The following SFMBT2 variants were observed in gnomAD, a reference collection of about 807,000 sequenced individuals.
SFMBT2 encodes scm-like with four MBT domains protein 2.
SFMBT2 carries 38 observed loss-of-function variants against 110.1 expected under a neutral mutation model. That is an observed-to-expected ratio of 0.35 (90% confidence interval 0.27 to 0.45). The LOEUF (loss-of-function observed/expected upper bound fraction) is 0.45. Ranked by LOEUF, SFMBT2 falls within the 20% of genes least tolerant of loss-of-function variation. SFMBT2 has a pLI of 1.00. For missense variants in SFMBT2, 1,011 were observed against 1,094.9 expected, an observed-to-expected ratio of 0.92 and a Z score of 1.08; for synonymous variants, 425 against 425.4, an observed-to-expected ratio of 1.00 and a Z score of 0.01.
chr10:7,319,645 A>AG (rs1843112066), intron 4 of SFMBT2, among the ~76,000 whole-genome samples: 1 of 142,194 alleles, frequency 7.0e-6, no homozygotes, highest in Admixed American at 6.8e-5. Flanking sequence ...GCTACCAAAG[A>AG]GAGAGACAGA....
chr10:7,335,104 T>C (rs914260729), intron 4 of SFMBT2, among the ~76,000 whole-genome samples: 5 of 152,050 alleles, frequency 3.3e-5, no homozygotes, highest in African/African-American at 4.8e-5. Context: ...GTCAAATTCA[T>C]AGAAAGAGAA....
chr10:7,226,930 C>G (rs1199477642), intron 10 of SFMBT2, among the ~76,000 whole-genome samples: 1 of 152,126 alleles, frequency 6.6e-6, no homozygotes, highest in African/African-American at 2.4e-5. Context: ...CTATGACATT[C>G]ACACAACAAT....
intron 7 of SFMBT2, among the ~76,000 whole-genome samples, chr10:7,262,525 C>G: frequency 6.6e-6 from 1 of 152,170 alleles, no homozygotes; most frequent in South Asian, 2.1e-4. Flanking sequence ...GCAAGTTCCC[C>G]GGGAACTGGC....
intron 4 of SFMBT2, among the ~76,000 whole-genome samples, chr10:7,296,035 C>T (rs970554164): frequency 2.0e-5 from 3 of 152,214 alleles, no homozygotes; most frequent in African/African-American, 7.2e-5. Flanking sequence ...GCACACAACT[C>T]ACACCACTCT....
intron 2 of SFMBT2, among the ~76,000 whole-genome samples, chr10:7,377,309 G>A (rs908067283): frequency 1.3e-5 from 2 of 152,052 alleles, no homozygotes; most frequent in Non-Finnish European, 2.9e-5. Context: ...TAACACAGTG[G>A]TCCCCAACCT....
At chr10:7,358,224 TGCCCTAGAACACCTGCATG>T (rs1564456661) in intron 4 of SFMBT2, among the ~76,000 whole-genome samples, 7 of 109,658 alleles carry the variant, frequency 6.4e-5, no homozygotes, top group African/African-American at 1.3e-4. Flanking sequence ...ATGGAGGCAC[TGCCCTAGAACACCTGCATG>T]GCCCTAGAAC....
rs1844948086 is a variant in SFMBT2 at position 7,367,629 on chromosome 10, C to A, written c.436+20G>T. The A allele has an allele frequency of 6.3e-7, 1 of 1,599,650 alleles. No homozygotes were observed. The stretch of plus-strand genomic sequence containing the variant: ...AAGGATGGCGGCTCGTAAATCGAAG[C>A]CTTTGAAACAGGGGCTCACCGTCCG... On this transcript the variant is annotated intron_variant, in intron 4 of 20. Transcript: ENST00000397167. This position sits in a 1 kb window ranked among gnomAD's most constrained non-coding sequence, Gnocchi z 6.2.
intron 3 of SFMBT2, 46 bp downstream of exon 3, chr10:7,370,235 C>T (rs1249750268): frequency 6.5e-7 from 1 of 1,544,272 alleles, no homozygotes. Context: ...GATTCCTTCC[C>T]TTCCCACTTT....
intron 4 of SFMBT2, among the ~76,000 whole-genome samples, chr10:7,336,823 G>A (rs1178608484): frequency 1.3e-5 from 2 of 152,196 alleles, no homozygotes; most frequent in Non-Finnish European, 2.9e-5. Flanking sequence ...AACTGCTGGA[G>A]ACCAGAACAT....
Position 7,200,522 on chromosome 10 carries a change from G to A in SFMBT2, c.1488-38C>T, listed in dbSNP as rs746143321. On this transcript the variant is annotated intron_variant, in intron 13 of 20. Coordinates refer to ENST00000397167, the MANE Select transcript of SFMBT2 (RefSeq NM_001387889.1). ...AAAATAAAACTATCAGGGACCACAA[G>A]CTTTAGAAGGAACTACTACATTCCA... 15 of 1,538,840 alleles carry A rather than the reference G, an allele frequency of 9.7e-6. No homozygotes were observed. The East Asian group carries it at 2.6e-4, about 26-fold the overall frequency.
chr10:7,281,565 T>C (rs1022194426), intron 6 of SFMBT2, among the ~76,000 whole-genome samples: 13 of 152,178 alleles, frequency 8.5e-5, no homozygotes, highest in Admixed American at 7.9e-4. Context: ...CAAGTCACCG[T>C]GGGACTTGAA....
chr10:7,348,223 C>T (rs1265358224), intron 4 of SFMBT2: 7 of 1,377,124 alleles, frequency 5.1e-6, no homozygotes, highest in South Asian at 1.6e-5. Flanking sequence ...GGGAGAGGTT[C>T]GTGTGGGATC....
intron 4 of SFMBT2, among the ~76,000 whole-genome samples, chr10:7,332,953 G>A (rs993611016): frequency 1.1e-4 from 17 of 151,792 alleles, no homozygotes; most frequent in African/African-American, 4.1e-4. Context: ...TGCAACCTCC[G>A]CCTCCTGGGT....
intron 3 of SFMBT2, among the ~76,000 whole-genome samples, chr10:7,368,606 T>C (rs555091452): frequency 6.6e-6 from 1 of 152,256 alleles, no homozygotes; most frequent in East Asian, 1.9e-4. Context: ...GGACACTATA[T>C]TGTGATTAAA....
chr10:7,228,774 CTCTCTCT>C (rs1840021105), intron 9 of SFMBT2, among the ~76,000 whole-genome samples: 8 of 135,324 alleles, frequency 5.9e-5, no homozygotes, highest in Admixed American at 7.5e-5. Context: ...CTCTCTCTCT[CTCTCTCT>C]CCCCCTCCCT....
chr10:7,237,232 C>T (rs1214189506), intron 9 of SFMBT2, among the ~76,000 whole-genome samples: 2 of 152,158 alleles, frequency 1.3e-5, no homozygotes, highest in Non-Finnish European at 2.9e-5. Flanking sequence ...ATTGGATGTA[C>T]ATTTGGGGAT....
intron 17 of SFMBT2, among the ~76,000 whole-genome samples, chr10:7,173,993 G>A (rs1837969874): frequency 6.6e-6 from 1 of 152,152 alleles, no homozygotes; most frequent in South Asian, 2.1e-4. Context: ...GTTTCCTTCA[G>A]GCCTAAGACC....
chr10:7,319,920 CAGAG>C (rs377493709), intron 4 of SFMBT2, among the ~76,000 whole-genome samples: 1 of 132,784 alleles, frequency 7.5e-6, no homozygotes, highest in African/African-American at 2.9e-5. Context: ...GAGAGAGAGA[CAGAG>C]AGACTGAGAG....
intron 1 of SFMBT2, among the ~76,000 whole-genome samples, chr10:7,400,162 G>A (rs1846034328): frequency 6.6e-6 from 1 of 152,148 alleles, no homozygotes; most frequent in African/African-American, 2.4e-5. Flanking sequence ...GGCCCTGAGT[G>A]CCCAGCTGGC....
Sources: allele counts gnomAD v4.1 joint callset (sites outside exome capture counted in the v4.1 genomes callset), GRCh38; gene constraint gnomAD v4.1.1; non-coding constraint Gnocchi (gnomAD v3.1); transcripts MANE v1.5; gene names NCBI Gene and HGNC (gene_info 2026-07-23, HGNC 2026-07-21).